Variants in NELL2 observed in about 807,000 individuals in gnomAD.
NELL2 encodes protein kinase C-binding protein NELL2.
In NELL2, 41 loss-of-function variants were observed where a neutral mutation model predicts 109.6. The ratio of observed to expected loss-of-function variants is 0.37; its 90% CI spans 0.29 to 0.49. The LOEUF is 0.49. Among genes scored for constraint, NELL2 ranks in the 20% least tolerant of loss-of-function variants. The pLI is 0.98. For missense variants in NELL2, 900 were observed against 1,008.3 expected (o/e 0.89, Z 1.45); for synonymous variants, 355 against 344.7 (o/e 1.03, Z -0.33).
chr12:44,681,538 G>A (rs1948505079), intron 12 of NELL2, among the ~76,000 whole-genome samples: 1 of 151,900 alleles, frequency 6.6e-6, no homozygotes, highest in Non-Finnish European at 1.5e-5. Context: ...TCTAGCATTA[G>A]GTATATTGCC....
At chr12:44,799,398 T>C (rs1353660492) in intron 3 of NELL2, among the ~76,000 whole-genome samples, 2 of 152,146 alleles carry the variant, frequency 1.3e-5, no homozygotes, top group African/African-American at 4.8e-5. Flanking sequence ...AAACCGGTTC[T>C]GCCTCTAGTC....
chr12:44,577,390 G>A (rs1938841340), intron 15 of NELL2, among the ~76,000 whole-genome samples: 1 of 141,220 alleles, frequency 7.1e-6, no homozygotes, highest in Non-Finnish European at 1.5e-5. Context: ...TTTTGATGGG[G>A]TTGTTTGTTT....
At chr12:44,686,939 C>T (rs1489971137) in intron 12 of NELL2, among the ~76,000 whole-genome samples, 1 of 152,180 alleles carries the variant, frequency 6.6e-6, no homozygotes, top group Non-Finnish European at 1.5e-5. Flanking sequence ...GTGGTGGGCT[C>T]CACCCAGTTC....
chr12:44,746,141 C>A (rs936547188), intron 9 of NELL2, among the ~76,000 whole-genome samples: 7 of 152,152 alleles, frequency 4.6e-5, no homozygotes, highest in African/African-American at 1.7e-4. Context: ...AGAAATAATG[C>A]CGCGTATCTA....
intron 9 of NELL2, among the ~76,000 whole-genome samples, chr12:44,716,634 T>A (rs907282728): frequency 6.6e-5 from 10 of 152,250 alleles, no homozygotes; most frequent in African/African-American, 2.4e-4. Context: ...TAATTATACT[T>A]AATAAGTACT....
intron 19 of NELL2, among the ~76,000 whole-genome samples, chr12:44,518,250 T>A (rs1941363756): frequency 6.6e-6 from 1 of 151,952 alleles, no homozygotes; most frequent in South Asian, 2.1e-4. Flanking sequence ...AAATACTTTT[T>A]TTTTTTTTTT....
At chr12:44,744,034 G>A (rs1047069861) in intron 9 of NELL2, among the ~76,000 whole-genome samples, 11 of 151,970 alleles carry the variant, frequency 7.2e-5, no homozygotes, top group African/African-American at 2.7e-4. Context: ...CTCCAAAATT[G>A]ACCACATAGT....
At chr12:44,883,224 G>A (rs1315194765) in intron 1 of NELL2, among the ~76,000 whole-genome samples, 1 of 151,766 alleles carries the variant, frequency 6.6e-6, no homozygotes, top group East Asian at 1.9e-4. Context: ...CAAAGAATTG[G>A]CATGACTAAG....
chr12:44,602,326 C>T (rs542687277), intron 15 of NELL2, among the ~76,000 whole-genome samples: 3 of 151,964 alleles, frequency 2.0e-5, no homozygotes, highest in South Asian at 4.2e-4. Flanking sequence ...CAAAATCTAC[C>T]CAAGAGCTAC....
intron 9 of NELL2, among the ~76,000 whole-genome samples, chr12:44,733,529 C>T (rs918844836): frequency 6.6e-6 from 1 of 151,664 alleles, no homozygotes; most frequent in African/African-American, 2.4e-5. Context: ...AAGCAGAAAA[C>T]AGAGTGATGG....
At position 44,754,307 on chromosome 12, in the gene NELL2, C is replaced by A. The variant is rs116623973; in HGVS notation, c.994+20440G>T. On this transcript the variant is annotated intron_variant, in intron 9 of 19. Coordinates refer to ENST00000429094, the MANE Select transcript of NELL2 (RefSeq NM_001145108.2). ...TTACAATGATGTATAGTCTCTGGAC[C>A]AGTTACTGCTTTTTCAAACATTTAC... Among the ~76,000 whole-genome samples, 245 of 152,204 alleles carry A rather than the reference C, an allele frequency of 1.6e-3. 1 individual carries two copies. The highest frequency in any genetic ancestry group is 5.8e-3 in the African/African-American group (239 of 41,528).
intron 3 of NELL2, among the ~76,000 whole-genome samples, chr12:44,812,990 A>T (rs185621256): frequency 7.6e-4 from 116 of 152,294 alleles, no homozygotes; most frequent in Middle Eastern, 3.4e-3. Context: ...CTTATCTTTG[A>T]AATGAAAATA....
intron 2 of NELL2, among the ~76,000 whole-genome samples, chr12:44,840,327 C>T (rs1944185405): frequency 6.6e-6 from 1 of 152,200 alleles, no homozygotes; most frequent in Non-Finnish European, 1.5e-5. Context: ...ATCTCTCTCA[C>T]TATATTTTCT....
chr12:44,587,305 ATATTTT>A (rs1304567863), intron 15 of NELL2, among the ~76,000 whole-genome samples: 12 of 118,118 alleles, frequency 1.0e-4, no homozygotes, highest in African/African-American at 2.6e-4. Flanking sequence ...ATATATATAT[ATATTTT>A]TTTTTAAATA....
At chr12:44,906,449 G>A (rs1228118840) in intron 1 of NELL2, among the ~76,000 whole-genome samples, 1 of 152,008 alleles carries the variant, frequency 6.6e-6, no homozygotes, top group East Asian at 1.9e-4. Context: ...AGGAGTAAAG[G>A]GTAGAGCAGC....
intron 12 of NELL2, among the ~76,000 whole-genome samples, chr12:44,691,566 A>T (rs1409245840): frequency 6.6e-6 from 1 of 152,166 alleles, no homozygotes; most frequent in Non-Finnish European, 1.5e-5. Flanking sequence ...AAACAGAGAA[A>T]TGATGAAGCT....
intron 9 of NELL2, among the ~76,000 whole-genome samples, chr12:44,762,788 C>T (rs1055072213): frequency 6.6e-6 from 1 of 152,182 alleles, no homozygotes; most frequent in African/African-American, 2.4e-5. Context: ...TGCCTGATCT[C>T]CCTGATGGTA....
At chr12:44,650,945 C>CG (rs1566089275) in intron 13 of NELL2, among the ~76,000 whole-genome samples, 1 of 152,140 alleles carries the variant, frequency 6.6e-6, no homozygotes, top group South Asian at 2.1e-4. Flanking sequence ...TTATTTAAGC[C>CG]GGGGGTCCCC....
intron 12 of NELL2, among the ~76,000 whole-genome samples, chr12:44,680,591 T>C (rs915620352): frequency 1.3e-5 from 2 of 152,034 alleles, no homozygotes; most frequent in African/African-American, 4.8e-5. Flanking sequence ...GACACACAAT[T>C]CAGAACCATA....
Sources: gnomAD v4.1 joint callset for allele counts (sites outside exome capture counted in the v4.1 genomes callset) on GRCh38, gnomAD v4.1.1 for gene constraint, MANE v1.5 for transcripts, NCBI Gene and HGNC (gene_info 2026-07-23, HGNC 2026-07-21) for gene names.